Variants in SQOR observed in about 807,000 individuals in gnomAD.
SQOR encodes the protein sulfide:quinone oxidoreductase, mitochondrial.
A neutral mutation model predicts 48.6 loss-of-function variants in SQOR; 39 were observed. The observed-to-expected ratio is 0.80, with a 90% CI of 0.62 to 1.05. The LOEUF (loss-of-function observed/expected upper bound fraction) is 1.05. Among genes scored for constraint, SQOR ranks in the 50% least tolerant of loss-of-function variants. The pLI, the probability that SQOR is intolerant of heterozygous loss-of-function variation, is 0.00. For synonymous variants in SQOR, 220 were observed against 206.2 expected, an observed-to-expected ratio of 1.07 and a Z score of -0.57; for missense variants, 561 against 559.9, an observed-to-expected ratio of 1.00 and a Z score of -0.02.
chr15:45,675,571 T>C (rs1890021880), intron 5 of SQOR, among the ~76,000 whole-genome samples: 1 of 151,968 alleles, frequency 6.6e-6, no homozygotes. Context: ...ATTTTTATAT[T>C]TTTGGTAGAG....
intron 9 of SQOR, 177 bp downstream of exon 9, chr15:45,689,394 G>T: frequency 2.7e-5 from 13 of 488,708 alleles, no homozygotes; most frequent in Admixed American, 7.6e-5. Flanking sequence ...CACATACCAA[G>T]TACTCTATCA....
At chr15:45,633,051 A>C (rs1894926343), upstream of SQOR, among the ~76,000 whole-genome samples, 1 of 151,960 alleles carries the variant, frequency 6.6e-6, no homozygotes, top group Non-Finnish European at 1.5e-5. Flanking sequence ...TAAGCTCCAG[A>C]GGTCAAGGCT....
Position 45,662,082 on chromosome 15 carries a change from T to A in SQOR, c.362T>A (p.Leu121Ter). 2 of 1,614,202 alleles carry A rather than the reference T, an allele frequency of 1.2e-6. No individual in the cohort carries two copies. Among genetic ancestry groups the A allele is most frequent in the Non-Finnish European group, 1.7e-6 (2 of 1,180,018 alleles). Residue 121 changes from leucine to a stop codon, truncating the protein, a stop_gained, in exon 3 of 10, where the codon TTG (leucine) becomes TAG (stop). Coordinates refer to ENST00000260324, the MANE Select transcript of SQOR (RefSeq NM_021199.4). LOFTEE classifies it high-confidence loss of function. ...VEWIKARVTE[L>*]NPDKNCIHTD... The stretch of plus-strand genomic sequence containing the variant: ...TGGATCAAAGCTAGAGTGACTGAGT[T>A]GAACCCAGACAAGAACTGCATTCAC...
At chr15:45,669,580 G>A (rs1889900814) in intron 3 of SQOR, among the ~76,000 whole-genome samples, 1 of 152,174 alleles carries the variant, frequency 6.6e-6, no homozygotes, top group South Asian at 2.1e-4. Context: ...GCCTCTCACT[G>A]TGTAAACACA....
chr15:45,688,530 G>A, intron 8 of SQOR, 126 bp downstream of exon 8: 1 of 555,300 alleles, frequency 1.8e-6, no homozygotes, highest in Non-Finnish European at 2.7e-6. Flanking sequence ...TTTTTTTTTT[G>A]AGATGCAGTT....
intron 3 of SQOR, among the ~76,000 whole-genome samples, chr15:45,664,798 A>G (rs1045760533): frequency 1.3e-5 from 2 of 152,138 alleles, no homozygotes; most frequent in Admixed American, 6.5e-5. Context: ...GCAGAAATGA[A>G]TATATATAAG....
intron 6 of SQOR, 131 bp downstream of exon 6, chr15:45,676,441 G>T: frequency 1.0e-6 from 1 of 981,456 alleles, no homozygotes. Context: ...GAGCATCTTA[G>T]GGAAGTGTTA....
intron 7 of SQOR, among the ~76,000 whole-genome samples, chr15:45,687,484 T>TG (rs1890244463): frequency 6.6e-6 from 1 of 152,316 alleles, no homozygotes; most frequent in South Asian, 2.1e-4. Context: ...ACTAATATTT[T>TG]GGGGGTGCGA....
chr15:45,657,245 C>T (rs1239962761), intron 1 of SQOR, among the ~76,000 whole-genome samples: 2 of 147,958 alleles, frequency 1.4e-5, no homozygotes, highest in Non-Finnish European at 3.0e-5. Flanking sequence ...TGAGCCTTCC[C>T]TGGCCCGTGT....
chr15:45,686,227 C>G (rs572972285), intron 7 of SQOR, among the ~76,000 whole-genome samples: 1 of 152,214 alleles, frequency 6.6e-6, no homozygotes, highest in African/African-American at 2.4e-5. Flanking sequence ...TCTTGGCTCA[C>G]TGCAACCTCT....
chr15:45,686,642 G>A (rs942464368), intron 7 of SQOR, among the ~76,000 whole-genome samples: 15 of 152,166 alleles, frequency 9.9e-5, no homozygotes, highest in South Asian at 2.1e-4. Context: ...TTGATTTGCC[G>A]TGGGCCCACA....
In SQOR at chr15:45,651,270, G is replaced by A. The variant is rs575422558; in HGVS notation, c.-17-7637G>A. Among the ~76,000 whole-genome samples, 539 of 152,314 alleles carry A rather than the reference G, an allele frequency of 3.5e-3. 5 individuals are homozygous for A. The highest frequency in any genetic ancestry group is 0.012 in the African/African-American group (512 of 41,582). ...GCCCGTGCTAAGCCCCTCACTGCCC[G>A]GGCCTGTGGCACCAGCCTGCCACTC... On this transcript the variant is annotated intron_variant, in intron 1 of 9. Coordinates refer to ENST00000260324, the MANE Select transcript of SQOR (RefSeq NM_021199.4).
chr15:45,671,384 C>T (rs1464326585), intron 4 of SQOR, among the ~76,000 whole-genome samples: 1 of 152,084 alleles, frequency 6.6e-6, no homozygotes, highest in African/African-American at 2.4e-5. Context: ...TCTCAAACTC[C>T]TGGCCTCAAG....
chr15:45,661,938 A>G lies in SQOR; in HGVS notation c.235-17A>G. 6.2e-7 allele frequency: 1 copy of G among 1,611,340 alleles called. No individual in the cohort carries two copies. Among genetic ancestry groups the G allele is most frequent in the Non-Finnish European group, 8.5e-7 (1 of 1,178,354 alleles). On this transcript the variant is annotated splice_polypyrimidine_tract_variant and intron_variant, in intron 2 of 9. Coordinates refer to ENST00000260324, the MANE Select transcript of SQOR (RefSeq NM_021199.4). ...AGTGTCAAATTGCAATAAATCTTCA[A>G]ATACTTTGTTTCTCAGAGACATTTC...
intron 1 of SQOR, among the ~76,000 whole-genome samples, chr15:45,658,075 G>A (rs150521293): frequency 8.6e-4 from 131 of 152,152 alleles, no homozygotes; most frequent in African/African-American, 2.9e-3. Flanking sequence ...GTAGAAACAG[G>A]TTTTCTTAAA....
chr15:45,670,322 TG>T (rs1434901643), intron 4 of SQOR, among the ~76,000 whole-genome samples: 1 of 152,234 alleles, frequency 6.6e-6, no homozygotes, highest in Non-Finnish European at 1.5e-5. Flanking sequence ...CATTCCGCTT[TG>T]GAAGTAGGGT....
At chr15:45,638,001 A>T (rs1228587357) in intron 1 of SQOR, among the ~76,000 whole-genome samples, 2 of 152,238 alleles carry the variant, frequency 1.3e-5, no homozygotes, top group East Asian at 3.8e-4. Flanking sequence ...GTTGCTTCTT[A>T]ATCCCAGCCT....
intron 6 of SQOR, 109 bp downstream of exon 6, chr15:45,676,419 A>G (rs1890038429): frequency 8.7e-7 from 1 of 1,146,836 alleles, no homozygotes; most frequent in Non-Finnish European, 1.3e-6. Flanking sequence ...GCTGGGGAAG[A>G]CTGGGTGAAA....
intron 3 of SQOR, among the ~76,000 whole-genome samples, chr15:45,666,293 A>T (rs1310145608): frequency 6.6e-6 from 1 of 152,138 alleles, no homozygotes; most frequent in Admixed American, 6.6e-5. Flanking sequence ...GTGATTTAGT[A>T]ATTATTTGTG....
Sources: allele counts gnomAD v4.1 joint callset (sites outside exome capture counted in the v4.1 genomes callset), GRCh38; gene constraint gnomAD v4.1.1; transcripts MANE v1.5; gene names NCBI Gene and HGNC (gene_info 2026-07-23, HGNC 2026-07-21).